The following CNTN5 variants were observed in gnomAD, a reference collection of about 807,000 sequenced individuals.
The protein encoded by CNTN5 is contactin 5, also known as contactin-5.
Under a neutral mutation model 129.1 loss-of-function variants are expected in CNTN5, and 77 were observed. The ratio of observed to expected loss-of-function variants is 0.60; its 90% CI spans 0.50 to 0.72. The LOEUF (loss-of-function observed/expected upper bound fraction) is 0.72, where lower values mean the gene tolerates loss of function less well. Among genes scored for constraint, CNTN5 ranks in the 30% least tolerant of loss-of-function variants. The pLI is 0.00. For missense variants in CNTN5, 1,478 were observed against 1,328.8 expected (o/e 1.11, Z -1.75); for synonymous variants, 509 against 465.6 (o/e 1.09, Z -1.20).
At chr11:99,551,324 T>G (rs544656296) in intron 2 of CNTN5, among the ~76,000 whole-genome samples, 19 of 152,136 alleles carry the variant, frequency 1.2e-4, no homozygotes, top group African/African-American at 4.3e-4. Flanking sequence ...TTTTAAAGGG[T>G]TTTTTATTAA....
At chr11:99,305,767 G>T (rs895786499) in intron 1 of CNTN5, among the ~76,000 whole-genome samples, 2 of 151,998 alleles carry the variant, frequency 1.3e-5, no homozygotes, top group East Asian at 1.9e-4. Context: ...GATCACCTGA[G>T]GTCGGGAGTT....
chr11:100,107,013 A>G (rs1945462820), intron 13 of CNTN5, among the ~76,000 whole-genome samples: 2 of 152,222 alleles, frequency 1.3e-5, no homozygotes, highest in African/African-American at 4.8e-5. Context: ...AACTACAGTC[A>G]TACCTATTTA....
chr11:99,867,847 A>G (rs183166363), intron 6 of CNTN5, among the ~76,000 whole-genome samples: 10 of 152,334 alleles, frequency 6.6e-5, no homozygotes, highest in Admixed American at 5.9e-4. Flanking sequence ...TGTTTTGCCT[A>G]CTACCTGGAA....
At chr11:99,583,337 A>T (rs920871558) in intron 3 of CNTN5, among the ~76,000 whole-genome samples, 1 of 151,944 alleles carries the variant, frequency 6.6e-6, no homozygotes, top group African/African-American at 2.4e-5. Flanking sequence ...GAGTACCACT[A>T]CTCTCTTCAA....
In CNTN5 at chr11:100,127,651, C is replaced by CTTTTTTTTTTTTT. The variant is rs66468227; in HGVS notation, c.1580+53369_1580+53381dup. Among the ~76,000 whole-genome samples the CTTTTTTTTTTTTT allele has an allele frequency of 2.1e-3, 167 of 81,292 alleles. 3 individuals carry two copies. Among genetic ancestry groups the CTTTTTTTTTTTTT allele is most frequent in the Middle Eastern group, 0.011 (1 of 88 alleles). 53.3% of individuals were successfully genotyped at this position (81,292 alleles called of 152,430 possible). A position where few individuals can be genotyped will look rare whatever the true frequency, so the allele number is the denominator to read the frequency against. ...ACAGACTTTCTGACTTTCTTTCTTT[C>CTTTTTTTTTTTTT]TTTTTTTTTTTTTTTTTTTTTTTTG... On this transcript the variant is annotated intron_variant, in intron 13 of 24. Coordinates refer to ENST00000524871, the MANE Select transcript of CNTN5 (RefSeq NM_014361.4).
At chr11:99,882,469 A>G (rs192896673) in intron 6 of CNTN5, among the ~76,000 whole-genome samples, 7 of 152,348 alleles carry the variant, frequency 4.6e-5, no homozygotes, top group Admixed American at 1.3e-4. Context: ...TACATTCAGT[A>G]GCCTCAAGCA....
chr11:100,052,350 A>G (rs970691673), intron 9 of CNTN5, among the ~76,000 whole-genome samples: 4 of 151,780 alleles, frequency 2.6e-5, no homozygotes, highest in African/African-American at 9.7e-5. Context: ...CCTGGACAGT[A>G]TAGTCAGGCA....
chr11:99,231,865 A>G (rs1043170127), intron 1 of CNTN5, among the ~76,000 whole-genome samples: 1 of 152,170 alleles, frequency 6.6e-6, no homozygotes, highest in Non-Finnish European at 1.5e-5. Flanking sequence ...TTTTCTGCAT[A>G]TGGCTAGTAA....
At chr11:100,194,922 A>T (rs1208956431) in intron 15 of CNTN5, among the ~76,000 whole-genome samples, 1 of 119,466 alleles carries the variant, frequency 8.4e-6, no homozygotes, top group Non-Finnish European at 2.1e-5. Context: ...GAGAGAGTAT[A>T]TAAATAAGAA....
chr11:100,063,684 C>T (rs1039943238), intron 10 of CNTN5, among the ~76,000 whole-genome samples: 2 of 142,610 alleles, frequency 1.4e-5, no homozygotes, highest in African/African-American at 5.2e-5. Context: ...CTTTGGGAGG[C>T]CATAGCAGCT....
chr11:99,106,033 C>T (rs1462665669), intron 1 of CNTN5, among the ~76,000 whole-genome samples: 2 of 152,050 alleles, frequency 1.3e-5, no homozygotes, highest in African/African-American at 4.8e-5. Context: ...GGAGTATCTG[C>T]AAACTTCATG....
At chr11:99,271,612 A>G (rs899555164) in intron 1 of CNTN5, among the ~76,000 whole-genome samples, 1 of 151,828 alleles carries the variant, frequency 6.6e-6, no homozygotes, top group African/African-American at 2.4e-5. Context: ...ATTTCTGGCA[A>G]GAGGTTTTCC....
chr11:99,371,454 G>A (rs1226890312), intron 2 of CNTN5, among the ~76,000 whole-genome samples: 2 of 152,042 alleles, frequency 1.3e-5, no homozygotes, highest in African/African-American at 4.8e-5. Flanking sequence ...CTCATAGTAA[G>A]TTAGATCTGA....
At chr11:99,162,246 G>A (rs1016894719) in intron 1 of CNTN5, among the ~76,000 whole-genome samples, 1 of 151,434 alleles carries the variant, frequency 6.6e-6, no homozygotes, top group East Asian at 2.0e-4. Flanking sequence ...ACACCAGGAA[G>A]AGAAAGTTGG....
chr11:99,338,289 T>A (rs1461827573), intron 2 of CNTN5, among the ~76,000 whole-genome samples: 4 of 152,196 alleles, frequency 2.6e-5, no homozygotes, highest in Admixed American at 2.6e-4. Context: ...TTCTTTTTCT[T>A]TCATAAAACT....
chr11:99,283,735 G>A (rs1265061835), intron 1 of CNTN5, among the ~76,000 whole-genome samples: 1 of 152,114 alleles, frequency 6.6e-6, no homozygotes, highest in Admixed American at 6.6e-5. Context: ...AAAAAAAAGA[G>A]TAGCTTTGCT....
intron 4 of CNTN5, among the ~76,000 whole-genome samples, chr11:99,841,888 A>G (rs1402790045): frequency 2.2e-5 from 2 of 90,668 alleles, no homozygotes; most frequent in African/African-American, 8.3e-5. Flanking sequence ...ACATATACAT[A>G]TATATATATT....
chr11:99,422,426 G>C (rs1387402811), intron 2 of CNTN5, among the ~76,000 whole-genome samples: 1 of 150,374 alleles, frequency 6.7e-6, no homozygotes, highest in Admixed American at 6.6e-5. Flanking sequence ...GGGACAGGTA[G>C]AGGTGGGAAC....
intron 2 of CNTN5, among the ~76,000 whole-genome samples, chr11:99,463,513 T>C (rs1220718755): frequency 6.6e-6 from 1 of 150,620 alleles, no homozygotes; most frequent in Non-Finnish European, 1.5e-5. Flanking sequence ...GAACTCATTA[T>C]ACTTAAAAAA....
Sources: allele counts gnomAD v4.1 joint callset (sites outside exome capture counted in the v4.1 genomes callset), GRCh38; gene constraint gnomAD v4.1.1; transcripts MANE v1.5; gene names NCBI Gene and HGNC (gene_info 2026-07-23, HGNC 2026-07-21).